Variants in GIN1 observed in about 807,000 individuals in gnomAD.
The protein encoded by GIN1 is gypsy retrotransposon integrase 1.
Under a neutral mutation model 51.4 loss-of-function variants are expected in GIN1, and 41 were observed. That is an observed-to-expected ratio of 0.80 (90% CI 0.62 to 1.04). The LOEUF (loss-of-function observed/expected upper bound fraction) is 1.04. GIN1 is among the 50% of genes least tolerant of loss of function. The probability of loss-of-function intolerance (pLI) is 0.00; values close to 1 mark genes in which losing one functional copy is unlikely to be tolerated. For synonymous variants in GIN1, 222 were observed against 206.5 expected (o/e 1.07, Z -0.64); for missense variants, 610 against 612.4 (o/e 1.00, Z 0.04).
intron 7 of GIN1, among the ~76,000 whole-genome samples, chr5:103,090,482 G>T (rs1221009231): frequency 6.6e-6 from 1 of 152,190 alleles, no homozygotes; most frequent in Non-Finnish European, 1.5e-5. Flanking sequence ...ACATTAAAAG[G>T]TTAGATAGGG....
intron 7 of GIN1, among the ~76,000 whole-genome samples, chr5:103,089,987 T>A (rs1026611464): frequency 4.7e-5 from 7 of 149,150 alleles, no homozygotes; most frequent in Non-Finnish European, 7.6e-5. Flanking sequence ...CAAAAAAAAA[T>A]AAAATAAAAT....
In GIN1 at chr5:103,096,821, C is replaced by T; in HGVS notation, c.1014G>A (p.Glu338=). Residue 338 remains glutamate, a synonymous_variant, in exon 7 of 8, where the codon GAG becomes GAA. Coordinates refer to ENST00000399004, the MANE Select transcript of GIN1 (RefSeq NM_017676.2). ...ENKTTSLGQM[E]NNNLDELNKS... is the part of the protein sequence containing the mutation. ...TATTTAGTTCATCCAAATTGTTGTT[C>T]TCCATCTACAAGTGTAAAAAGAAAA... is the stretch of plus-strand genomic sequence containing the variant. The T allele has an allele frequency of 6.3e-7, 1 of 1,579,720 alleles. No homozygotes were observed.
At chr5:103,109,732 T>TA (rs1231194886) in intron 1 of GIN1, among the ~76,000 whole-genome samples, 3 of 152,110 alleles carry the variant, frequency 2.0e-5, no homozygotes, top group Non-Finnish European at 4.4e-5. Context: ...GATTATTAAA[T>TA]ACATGATTTT....
intron 7 of GIN1, among the ~76,000 whole-genome samples, chr5:103,092,818 T>C (rs34807): frequency 0.24 from 36,506 of 151,330 alleles, 5,066 homozygotes; most frequent in East Asian, 0.45. Context: ...TGGTGATGCA[T>C]GCCTACATTC....
At chr5:103,104,010 G>A (rs897881512) in intron 4 of GIN1, among the ~76,000 whole-genome samples, 8 of 152,018 alleles carry the variant, frequency 5.3e-5, no homozygotes, top group African/African-American at 1.9e-4. Context: ...CTGGAGTGCA[G>A]TGGTGCAATC....
rs115284122 is a variant in GIN1 at position 103,110,953 on chromosome 5, C to G, written c.-7-2239G>C. Among the ~76,000 whole-genome samples, 83 of 152,128 alleles carry G rather than the reference C, an allele frequency of 5.5e-4. 2 individuals carry two copies. The South Asian group carries it at 9.5e-3, about 17-fold the overall frequency. On this transcript the variant is annotated intron_variant, in intron 1 of 7. Coordinates refer to ENST00000399004, the MANE Select transcript of GIN1 (RefSeq NM_017676.2). ...ATCTGTGGTGAAACACTAGTGGCAC[C>G]CTACTGCCCTCCAATCTGCCACATA...
chr5:103,089,817 A>G (rs1554194332), intron 7 of GIN1, among the ~76,000 whole-genome samples: 2 of 152,184 alleles, frequency 1.3e-5, no homozygotes, highest in African/African-American at 4.8e-5. Context: ...CATTATTACA[A>G]ATAGCTCACT....
In GIN1 at chr5:103,087,891, G is replaced by A. The variant is rs1345835024; in HGVS notation, c.*7C>T. 5 of 1,258,974 alleles carry A rather than the reference G, an allele frequency of 4.0e-6. No homozygotes were observed. In the South Asian group the frequency reaches 4.6e-5, roughly 12 times the overall value. 78.0% of individuals were successfully genotyped at this position (1,258,974 alleles called of 1,614,324 possible). ...AAACAAACAATTTAAATAAATTTTG[G>A]TATTTACTAACTTAAGTATTCAAGA... On this transcript the variant is annotated 3_prime_UTR_variant, in exon 8 of 8. Coordinates refer to ENST00000399004, the MANE Select transcript of GIN1 (RefSeq NM_017676.2).
intron 4 of GIN1, 77 bp from the exon 5 acceptor site, chr5:103,097,858 A>C (rs1787452907): frequency 1.6e-6 from 1 of 644,644 alleles, no homozygotes; most frequent in African/African-American, 1.9e-5. Context: ...AAAAGCTTCA[A>C]AAGAATTAGA....
intron 1 of GIN1, among the ~76,000 whole-genome samples, chr5:103,114,885 C>T (rs945562251): frequency 2.6e-5 from 4 of 152,036 alleles, no homozygotes; most frequent in African/African-American, 9.7e-5. Flanking sequence ...CTTAGAAGTA[C>T]ACAGAGAGGC....
rs782220030 is a variant in GIN1, at chr5:103,104,549, T to C, written c.631A>G (p.Ile211Val). The C allele has an allele frequency of 7.4e-6, 11 of 1,496,524 alleles. No individual in the cohort carries two copies. The African/African-American group carries it at 1.1e-4, about 15-fold the overall frequency. 92.7% of individuals were successfully genotyped at this position (1,496,524 alleles called of 1,614,324 possible). ...KIIMDQRDEFIQQINIELYRL... is the reference protein window; with the variant it reads ...KIIMDQRDEFVQQINIELYRL... ...TAGTTTATTTGTCTTACCTGTTGAATGAATTCATCTCTTTGGTCCATTATT... is the reference window on the plus strand; with the variant it reads ...TAGTTTATTTGTCTTACCTGTTGAACGAATTCATCTCTTTGGTCCATTATT... Residue 211 changes from isoleucine (I) to valine (V), a missense_variant, in exon 4 of 8, where the codon ATT becomes GTT. Coordinates refer to ENST00000399004, the MANE Select transcript of GIN1 (RefSeq NM_017676.2).
intron 7 of GIN1, among the ~76,000 whole-genome samples, chr5:103,091,788 G>C (rs1167789208): frequency 6.6e-6 from 1 of 152,000 alleles, no homozygotes; most frequent in Non-Finnish European, 1.5e-5. Context: ...ACTTTGGGAG[G>C]CCAAGGCGGG....
chr5:103,099,360 T>C (rs1554195511), intron 4 of GIN1, among the ~76,000 whole-genome samples: 1 of 151,794 alleles, frequency 6.6e-6, no homozygotes, highest in African/African-American at 2.4e-5. Flanking sequence ...TCCCAATATA[T>C]ATTGGGATAA....
chr5:103,112,490 T>A (rs782418206), intron 1 of GIN1, among the ~76,000 whole-genome samples: 1 of 152,204 alleles, frequency 6.6e-6, no homozygotes, highest in African/African-American at 2.4e-5. Flanking sequence ...CTATTTAGCC[T>A]ACCCTCTACA....
rs77264388 is a variant in GIN1, at chr5:103,107,596, T to G, written c.140-687A>C. On this transcript the variant is annotated intron_variant, in intron 2 of 7. Coordinates refer to ENST00000399004, the MANE Select transcript of GIN1 (RefSeq NM_017676.2). The stretch of plus-strand genomic sequence containing the variant: ...TAATATGAGTAAGCCAACTGATGAG[T>G]GGAACACTCCTTATTTTTTAGAATT... 5.2e-3 allele frequency among the ~76,000 whole-genome samples: 796 copies of G among 152,150 alleles called. 7 individuals are homozygous for G. The highest frequency in any genetic ancestry group is 0.017 in the African/African-American group (711 of 41,536).
At chr5:103,107,577 G>T (rs895631606) in intron 2 of GIN1, among the ~76,000 whole-genome samples, 2 of 152,040 alleles carry the variant, frequency 1.3e-5, no homozygotes, top group Non-Finnish European at 2.9e-5. Flanking sequence ...CTACTAATAT[G>T]AGTAAGCCAA....
intron 1 of GIN1, among the ~76,000 whole-genome samples, chr5:103,118,776 A>ACACTACATGGTCCCTAGAAACAACGTATT (rs1554197859): frequency 2.0e-5 from 3 of 151,916 alleles, no homozygotes; most frequent in Non-Finnish European, 1.5e-5. Context: ...GCCCATACAT[A>ACACTACATGGTCCCTAGAAACAACGTATT]TGAGAAAATG....
chr5:103,096,236 G>A (rs1360010343), intron 7 of GIN1, among the ~76,000 whole-genome samples: 1 of 151,940 alleles, frequency 6.6e-6, no homozygotes, highest in Non-Finnish European at 1.5e-5. Context: ...CCAGCTACTC[G>A]GGAGGCTGAG....
intron 7 of GIN1, among the ~76,000 whole-genome samples, chr5:103,095,035 G>A (rs1279131526): frequency 6.6e-6 from 1 of 152,118 alleles, no homozygotes; most frequent in African/African-American, 2.4e-5. Flanking sequence ...CAGCCCACAT[G>A]GGCTTTAGAA....
Sources: allele counts gnomAD v4.1 joint callset (sites outside exome capture counted in the v4.1 genomes callset), GRCh38; gene constraint gnomAD v4.1.1; transcripts MANE v1.5; gene names NCBI Gene and HGNC (gene_info 2026-07-23, HGNC 2026-07-21).